The following PCDHA3 variants were observed in gnomAD, a reference collection of about 807,000 sequenced individuals.
The protein encoded by PCDHA3 is protocadherin alpha-3.
In PCDHA3, 41 loss-of-function variants were observed where a neutral mutation model predicts 62.2. The ratio of observed to expected loss-of-function variants is 0.66; its 90% CI spans 0.51 to 0.86. PCDHA3 has a LOEUF of 0.86. Ranked by LOEUF, PCDHA3 falls within the 40% of genes least tolerant of loss-of-function variation. PCDHA3 has a pLI of 0.00. For missense variants in PCDHA3, 1,304 were observed against 1,241.2 expected (o/e 1.05, Z -0.76); for synonymous variants, 640 against 555.4 (o/e 1.15, Z -2.14).
intron 1 of PCDHA3, among the ~76,000 whole-genome samples, chr5:140,898,854 C>G (rs1467228131): frequency 2.0e-5 from 3 of 152,150 alleles, no homozygotes; most frequent in Admixed American, 6.6e-5. Flanking sequence ...TTTGTATCCT[C>G]TTTTATTTCA....
intron 1 of PCDHA3, among the ~76,000 whole-genome samples, chr5:140,818,779 TTGAC>T (rs1474939105): frequency 1.3e-5 from 2 of 152,184 alleles, no homozygotes; most frequent in Non-Finnish European, 2.9e-5. Context: ...GCAATGAACT[TTGAC>T]TGTACCACTG....
At chr5:140,940,667 T>A (rs1167360120) in intron 1 of PCDHA3, among the ~76,000 whole-genome samples, 5 of 152,224 alleles carry the variant, frequency 3.3e-5, no homozygotes, top group African/African-American at 1.2e-4. Context: ...TAAATCTTCA[T>A]CTGATAATTC....
At chr5:140,883,763 G>T (rs782611304) in intron 1 of PCDHA3, 4 of 1,612,740 alleles carry the variant, frequency 2.5e-6, no homozygotes, top group Non-Finnish European at 3.4e-6. Flanking sequence ...GGAGCGGCGG[G>T]TGGGCGAGCG....
At chr5:140,901,583 T>C (rs530803677) in intron 1 of PCDHA3, among the ~76,000 whole-genome samples, 14 of 152,340 alleles carry the variant, frequency 9.2e-5, no homozygotes, top group African/African-American at 3.4e-4. Context: ...GCCAGTGCCA[T>C]GATGTTTTGG....
chr5:140,954,355 G>A (rs10054520), intron 1 of PCDHA3, among the ~76,000 whole-genome samples: 9 of 152,232 alleles, frequency 5.9e-5, no homozygotes, highest in African/African-American at 1.7e-4. Context: ...TTGAGGAATC[G>A]CCACACAGTC....
At chr5:140,823,769 T>C (rs2150128956) in intron 1 of PCDHA3, 1 of 1,613,830 alleles carries the variant, frequency 6.2e-7, no homozygotes, top group Non-Finnish European at 8.5e-7. Flanking sequence ...GCCACAGTGC[T>C]GGTGTCGCTG....
intron 1 of PCDHA3, chr5:140,928,939 T>G (rs367874769): frequency 6.2e-7 from 1 of 1,614,012 alleles, no homozygotes; most frequent in African/African-American, 1.3e-5. Context: ...CCAGAACTTG[T>G]ATTTAGTAAT....
chr5:140,850,370 G>A (rs141414972), intron 1 of PCDHA3: 2 of 1,597,812 alleles, frequency 1.3e-6, no homozygotes, highest in African/African-American at 2.7e-5. Context: ...TCCGCGTGGG[G>A]CTGTACACGG....
intron 3 of PCDHA3, among the ~76,000 whole-genome samples, chr5:140,989,272 T>C (rs1554250681): frequency 6.6e-6 from 1 of 152,204 alleles, no homozygotes. Flanking sequence ...AAGTTTCTGC[T>C]GGGGACATCT....
At chr5:140,967,669 G>C in intron 1 of PCDHA3, 9 of 1,614,126 alleles carry the variant, frequency 5.6e-6, no homozygotes, top group Non-Finnish European at 7.6e-6. Flanking sequence ...GCTACACGTC[G>C]GACCGGGAGA....
At chr5:140,843,304 C>G (rs2150356889) in intron 1 of PCDHA3, 4 of 1,595,876 alleles carry the variant, frequency 2.5e-6, no homozygotes, top group Middle Eastern at 1.7e-4. Context: ...CGCTGACCGC[C>G]ACGGCCACGG....
rs2150359947 is a variant in PCDHA3, at chr5:140,843,438, C to T, written c.2394+39847C>T. The T allele has an allele frequency of 2.5e-6, 4 of 1,595,980 alleles. No homozygotes were observed. In the African/African-American group the frequency reaches 5.4e-5, roughly 21 times the overall value. ...GTGTACCTGATCATCGCCATCTGCGCGGTATCCAGCCTGCTGGTGCTCACG... is the reference window on the plus strand; with the variant it reads ...GTGTACCTGATCATCGCCATCTGCGTGGTATCCAGCCTGCTGGTGCTCACG... On this transcript the variant is annotated intron_variant, in intron 1 of 3. Coordinates refer to ENST00000522353, the MANE Select transcript of PCDHA3 (RefSeq NM_018906.3).
intron 3 of PCDHA3, among the ~76,000 whole-genome samples, chr5:141,002,367 A>T (rs2098076282): frequency 6.6e-6 from 1 of 152,248 alleles, no homozygotes; most frequent in African/African-American, 2.4e-5. Context: ...CTTTCAACTC[A>T]TTCTGGCTTA....
chr5:141,003,648 G>A lies in PCDHA3; in HGVS notation c.2543-5979G>A, dbSNP rs1314983871. On this transcript the variant is annotated intron_variant, in intron 3 of 3. Transcript: ENST00000522353. ...GTTTTTAAAGTAGAAGTGAAGATCTGTATGCATTTATTAAAATATATGTTG... is the reference window on the plus strand; with the variant it reads ...GTTTTTAAAGTAGAAGTGAAGATCTATATGCATTTATTAAAATATATGTTG... Among the ~76,000 whole-genome samples the A allele has an allele frequency of 3.3e-5, 5 of 152,226 alleles. No individual in the cohort carries two copies. In the South Asian group the frequency reaches 6.2e-4, roughly 19 times the overall value.
chr5:140,945,689 T>G (rs529270613), intron 1 of PCDHA3, among the ~76,000 whole-genome samples: 30 of 152,170 alleles, frequency 2.0e-4, no homozygotes, highest in African/African-American at 7.0e-4. Context: ...ACAGTTACTG[T>G]CCACTGATTT....
At position 140,941,253 on chromosome 5, in the gene PCDHA3, TTC is replaced by T. The variant is rs371538795; in HGVS notation, c.2395-37692_2395-37691del. 4.9e-3 allele frequency among the ~76,000 whole-genome samples: 316 copies of T among 64,734 alleles called. 2 individuals carry two copies. The highest frequency in any genetic ancestry group is 6.9e-3 in the Admixed American group (39 of 5,692). 42.5% of individuals were successfully genotyped at this position (64,734 alleles called of 152,430 possible). On this transcript the variant is annotated intron_variant, in intron 1 of 3. Coordinates refer to ENST00000522353, the MANE Select transcript of PCDHA3 (RefSeq NM_018906.3). ...TTTCTTTCTTTCTTTCTTTCTTTCT[TTC>T]TCTTTCTTTCTTTCTTTCCTTCCTT...
chr5:140,885,556 G>A (rs1317413722), intron 1 of PCDHA3, among the ~76,000 whole-genome samples: 22 of 152,018 alleles, frequency 1.4e-4, no homozygotes, highest in African/African-American at 5.3e-4. Flanking sequence ...TTATTTCTAC[G>A]AAATTGATTG....
chr5:140,850,705 C>T, intron 1 of PCDHA3: 1 of 1,597,920 alleles, frequency 6.3e-7, no homozygotes, highest in South Asian at 1.1e-5. Context: ...CCTGGCAAGC[C>T]GACGCTGGTG....
chr5:140,958,468 G>T (rs1554223482), intron 1 of PCDHA3, among the ~76,000 whole-genome samples: 6 of 152,040 alleles, frequency 3.9e-5, no homozygotes, highest in Non-Finnish European at 8.8e-5. Flanking sequence ...ACTTCTGCTG[G>T]CTTAAAGAGC....
Sources: gnomAD v4.1 joint callset for allele counts (sites outside exome capture counted in the v4.1 genomes callset) on GRCh38, gnomAD v4.1.1 for gene constraint, MANE v1.5 for transcripts, NCBI Gene and HGNC (gene_info 2026-07-23, HGNC 2026-07-21) for gene names.